The following AATF variants were observed in gnomAD, a reference collection of about 807,000 sequenced individuals.
AATF encodes protein AATF.
Under a neutral mutation model 63.7 loss-of-function variants are expected in AATF, and 48 were observed. That is an observed-to-expected ratio of 0.75 (90% CI 0.60 to 0.96). AATF has a LOEUF of 0.96. Ranked by LOEUF, AATF falls within the 40% of genes least tolerant of loss-of-function variation. The probability of loss-of-function intolerance (pLI) is 0.00; values close to 1 mark genes in which losing one functional copy is unlikely to be tolerated. For missense variants in AATF, 639 were observed against 685.7 expected (o/e 0.93, Z 0.76); for synonymous variants, 258 against 247.7 (o/e 1.04, Z -0.39).
chr17:37,024,521 G>A (rs1042648473), intron 10 of AATF, among the ~76,000 whole-genome samples: 2 of 152,220 alleles, frequency 1.3e-5, no homozygotes, highest in African/African-American at 4.8e-5. Flanking sequence ...AAGTGAATAT[G>A]AGAGAATGGC....
chr17:37,010,778 C>T (rs547720844), intron 8 of AATF, among the ~76,000 whole-genome samples: 2 of 152,244 alleles, frequency 1.3e-5, no homozygotes, highest in East Asian at 3.9e-4. Context: ...GAAGCCTGTT[C>T]CCGCAGTGCA....
Position 36,953,143 on chromosome 17 carries a change from G to A in AATF, c.541G>A (p.Glu181Lys). ...EEEEDEESGM[E>K]EGDDAEDSQG... ...GGAGGAAGACGAAGAGAGTGGCATGGAAGAAGGGGATGACGCGGAAGACTC... is the reference window on the plus strand; with the variant it reads ...GGAGGAAGACGAAGAGAGTGGCATGAAAGAAGGGGATGACGCGGAAGACTC... Residue 181 changes from glutamate to lysine, a missense_variant, in exon 3 of 12, where the codon GAA (glutamate) becomes AAA (lysine). By Grantham distance (56) the Glu-to-Lys change is moderately conservative (BLOSUM62 1). Coordinates refer to ENST00000619387, the MANE Select transcript of AATF (RefSeq NM_012138.4). The A allele has an allele frequency of 1.2e-6, 2 of 1,614,194 alleles. No homozygotes were observed. The highest frequency in any genetic ancestry group is 1.7e-6 in the Non-Finnish European group (2 of 1,180,044).
chr17:36,949,103 G>C lies in AATF; in HGVS notation c.-23G>C. 1 of 1,557,010 alleles carries C rather than the reference G, an allele frequency of 6.4e-7. No individual in the cohort carries two copies. Among genetic ancestry groups the C allele is most frequent in the East Asian group, 2.3e-5 (1 of 42,698 alleles). ...GCCGCACATTTACGTGCGCGAAGCG[G>C]AGTGGACCGGGAGCTGGTGACGATG... On this transcript the variant is annotated 5_prime_UTR_variant, in exon 1 of 12. Coordinates refer to ENST00000619387, the MANE Select transcript of AATF (RefSeq NM_012138.4).
At position 37,049,679 on chromosome 17, in the gene AATF, G is replaced by A. The variant is rs560746110; in HGVS notation, c.1620-6922G>A. 2.0e-5 allele frequency among the ~76,000 whole-genome samples: 3 copies of A among 152,200 alleles called. No individual in the cohort carries two copies. In the South Asian group the frequency reaches 6.2e-4, roughly 32 times the overall value. The stretch of plus-strand genomic sequence containing the variant: ...TTTTAAGAGGAAAATGGAGGAGTGA[G>A]TAGCCTTTGCCCTTTGGCCTACTTT... On this transcript the variant is annotated intron_variant, in intron 11 of 11. Coordinates refer to ENST00000619387, the MANE Select transcript of AATF (RefSeq NM_012138.4).
At chr17:37,015,317 T>C (rs2071421084) in intron 8 of AATF, among the ~76,000 whole-genome samples, 1 of 152,216 alleles carries the variant, frequency 6.6e-6, no homozygotes, top group African/African-American at 2.4e-5. Context: ...TATAGTAAAA[T>C]ACCACAGACT....
At chr17:36,954,678 T>G (rs754887989) in intron 4 of AATF, among the ~76,000 whole-genome samples, 1 of 152,208 alleles carries the variant, frequency 6.6e-6, no homozygotes, top group African/African-American at 2.4e-5. Context: ...ACTATTTGGT[T>G]CCCAATGTCT....
Position 37,056,772 on chromosome 17 carries a change from A to G in AATF, c.*108A>G, listed in dbSNP as rs2142336649. On this transcript the variant is annotated 3_prime_UTR_variant, in exon 12 of 12. Coordinates refer to ENST00000619387, the MANE Select transcript of AATF (RefSeq NM_012138.4). ...GCTGAGCTAGTAGGGAAGCCCCTGG[A>G]AAGATGCTGCGTTCCGAACCTGTGC... is the stretch of plus-strand genomic sequence containing the variant. The G allele has an allele frequency of 8.0e-7, 1 of 1,256,886 alleles. No individual in the cohort carries two copies. The highest frequency in any genetic ancestry group is 1.1e-6 in the Non-Finnish European group (1 of 883,674). 77.9% of individuals were successfully genotyped at this position (1,256,886 alleles called of 1,614,324 possible). A position where few individuals can be genotyped will look rare whatever the true frequency, so the allele number is the denominator to read the frequency against.
chr17:36,968,266 C>CTTTTTTTTTTTTTTTTTTTTTTTTTTT (rs2071009164), intron 4 of AATF, among the ~76,000 whole-genome samples: 2 of 75,572 alleles, frequency 2.6e-5, no homozygotes, highest in Admixed American at 1.6e-4. Context: ...TTCTTTCCTT[C>CTTTTTTTTTTTTTTTTTTTTTTTTTTT]TTTCTTTTTT....
intron 8 of AATF, among the ~76,000 whole-genome samples, chr17:37,014,971 C>T (rs2071418478): frequency 6.6e-6 from 1 of 152,216 alleles, no homozygotes; most frequent in Non-Finnish European, 1.5e-5. Flanking sequence ...AGTATACCCT[C>T]TCCCACTCTT....
At chr17:37,050,168 C>A (rs558873703) in intron 11 of AATF, among the ~76,000 whole-genome samples, 13 of 152,212 alleles carry the variant, frequency 8.5e-5, no homozygotes, top group African/African-American at 3.1e-4. Context: ...TTTAGAGGGA[C>A]AAGAGCCCAT....
At chr17:37,016,815 T>G (rs191291295) in intron 8 of AATF, among the ~76,000 whole-genome samples, 2 of 152,312 alleles carry the variant, frequency 1.3e-5, no homozygotes, top group East Asian at 3.9e-4. Flanking sequence ...GGGAATCATT[T>G]GTTTAACTGT....
At position 36,989,333 on chromosome 17, in the gene AATF, C is replaced by T; in HGVS notation, c.1236C>T (p.Thr412=). ...AGAGATTACTTCGAAGGACACAGACCAAGCGCTCTGTCTATCGAGTTCTTG... is the reference window on the plus strand; with the variant it reads ...AGAGATTACTTCGAAGGACACAGACTAAGCGCTCTGTCTATCGAGTTCTTG... The part of the protein sequence containing the change: ...DKERLLRRTQ[T]KRSVYRVLGK... The change falls in exon 7 of 12, where the codon ACC becomes ACT. Residue 412 remains threonine, a synonymous_variant. Coordinates refer to ENST00000619387, the MANE Select transcript of AATF (RefSeq NM_012138.4). 1.2e-6 allele frequency: 2 copies of T among 1,614,090 alleles called. No homozygotes were observed.
At chr17:37,037,320 C>T (rs1234892485) in intron 11 of AATF, among the ~76,000 whole-genome samples, 1 of 152,088 alleles carries the variant, frequency 6.6e-6, no homozygotes, top group Non-Finnish European at 1.5e-5. Flanking sequence ...TGGCTGACAG[C>T]GTCATCTTTA....
intron 4 of AATF, among the ~76,000 whole-genome samples, chr17:36,954,683 A>G (rs1412888494): frequency 3.3e-5 from 5 of 152,238 alleles, no homozygotes; most frequent in Non-Finnish European, 5.9e-5. Context: ...TTGGTTCCCA[A>G]TGTCTTCATT....
At chr17:36,957,504 G>A (rs1405371210) in intron 4 of AATF, among the ~76,000 whole-genome samples, 5 of 152,260 alleles carry the variant, frequency 3.3e-5, no homozygotes, top group African/African-American at 9.6e-5. Context: ...TAATTGTTCT[G>A]GAAAGTGTTA....
At position 36,989,404 on chromosome 17, in the gene AATF, G is replaced by T; in HGVS notation, c.1307G>T (p.Gly436Val). The T allele has an allele frequency of 6.2e-7, 1 of 1,611,876 alleles. No homozygotes were observed. Among genetic ancestry groups the T allele is most frequent in the Non-Finnish European group, 8.5e-7 (1 of 1,178,622 alleles). Residue 436 changes from glycine (G) to valine (V), a missense_variant, in exon 7 of 12, where the codon GGG becomes GTG. Transcript: ENST00000619387. ...CAGCCTGTCCCAGAGAGTTTGCCAG[G>T]GGAACCGGTAAGAACTCTGTAATGC... is the stretch of plus-strand genomic sequence containing the variant. Reference protein sequence around the residue: ...AAQPVPESLPGEPEILPQAPA... With the variant: ...AAQPVPESLPVEPEILPQAPA...
chr17:36,949,279 G>C, intron 1 of AATF, 63 bp downstream of exon 1: 1 of 1,484,018 alleles, frequency 6.7e-7, no homozygotes, highest in South Asian at 1.3e-5. Flanking sequence ...GGGCAAGGGG[G>C]CGGCGTGGGA....
chr17:36,964,943 CTT>C (rs1293039996), intron 4 of AATF, among the ~76,000 whole-genome samples: 1 of 152,114 alleles, frequency 6.6e-6, no homozygotes, highest in African/African-American at 2.4e-5. Flanking sequence ...TTCAGGCTCT[CTT>C]TTGTTATCTC....
At chr17:36,971,609 A>G (rs2071039867) in intron 4 of AATF, among the ~76,000 whole-genome samples, 1 of 152,242 alleles carries the variant, frequency 6.6e-6, no homozygotes, top group African/African-American at 2.4e-5. Flanking sequence ...ACATACATTC[A>G]CACAAAGTCT....
Sources: allele counts gnomAD v4.1 joint callset (sites outside exome capture counted in the v4.1 genomes callset), GRCh38; gene constraint gnomAD v4.1.1; transcripts MANE v1.5; gene names NCBI Gene and HGNC (gene_info 2026-07-23, HGNC 2026-07-21).